KIF6: variants seen among roughly 807,000 people sequenced by gnomAD.
KIF6 encodes the protein kinesin-like protein KIF6.
A neutral mutation model predicts 112.7 loss-of-function variants in KIF6; 106 were observed. That is an observed-to-expected ratio of 0.94 (90% CI 0.80 to 1.11). The LOEUF (loss-of-function observed/expected upper bound fraction) is 1.11, where lower values mean the gene tolerates loss of function less well. Among genes scored for constraint, KIF6 ranks in the 50% least tolerant of loss-of-function variants. KIF6 has a pLI of 0.00. For missense variants in KIF6, 929 were observed against 964.0 expected (o/e 0.96, Z 0.48); for synonymous variants, 339 against 339.9 (o/e 1.00, Z 0.03).
chr6:39,455,022 C>T (rs1335259031), intron 13 of KIF6, among the ~76,000 whole-genome samples: 2 of 150,032 alleles, frequency 1.3e-5, no homozygotes, highest in East Asian at 2.0e-4. Context: ...CCCACCACAG[C>T]TCAAGGAGGC....
chr6:39,354,945 A>AGGTGGG (rs1764526793), intron 19 of KIF6, among the ~76,000 whole-genome samples: 1 of 152,200 alleles, frequency 6.6e-6, no homozygotes, highest in South Asian at 2.1e-4. Flanking sequence ...TGAGAGGCCA[A>AGGTGGG]GGTGGGAGGA....
intron 12 of KIF6, among the ~76,000 whole-genome samples, chr6:39,543,529 T>G (rs1385219177): frequency 3.3e-5 from 5 of 152,234 alleles, no homozygotes; most frequent in African/African-American, 1.2e-4. Flanking sequence ...TTTGGTTTGT[T>G]CTTACCTCTT....
intron 14 of KIF6, among the ~76,000 whole-genome samples, chr6:39,430,373 G>C (rs1771065873): frequency 6.6e-6 from 1 of 152,112 alleles, no homozygotes; most frequent in African/African-American, 2.4e-5. Context: ...CTGTGTGCTA[G>C]GATCCACAGT....
rs1780724493 is a variant in KIF6, at chr6:39,572,925, A to G, written c.1181+5131T>C. Among the ~76,000 whole-genome samples, 3 of 150,946 alleles carry G rather than the reference A, an allele frequency of 2.0e-5. No homozygotes were observed. In the Admixed American group the frequency reaches 2.0e-4, roughly 10 times the overall value. On this transcript the variant is annotated intron_variant, in intron 10 of 22. Transcript: ENST00000287152. Reference sequence around the variant, plus strand: ...CATGCAACAAATATTTACATTAAGCATAGAAATGCTGGGAAATGGCTCAAA... The same window carrying G: ...CATGCAACAAATATTTACATTAAGCGTAGAAATGCTGGGAAATGGCTCAAA...
intron 3 of KIF6, among the ~76,000 whole-genome samples, chr6:39,656,794 A>G (rs1487598593): frequency 1.3e-5 from 2 of 152,072 alleles, no homozygotes; most frequent in African/African-American, 2.4e-5. Flanking sequence ...ACTCAATTCC[A>G]TTGCTACCTG....
chr6:39,658,407 G>A (rs1289015853), intron 3 of KIF6, among the ~76,000 whole-genome samples: 1 of 152,044 alleles, frequency 6.6e-6, no homozygotes, highest in Non-Finnish European at 1.5e-5. Context: ...AGTATAGAAA[G>A]CACCTATTTC....
chr6:39,501,240 A>T (rs1233281406), intron 13 of KIF6, among the ~76,000 whole-genome samples: 1 of 152,142 alleles, frequency 6.6e-6, no homozygotes, highest in Non-Finnish European at 1.5e-5. Flanking sequence ...ACCACAGCAG[A>T]CCTATGAAGA....
At chr6:39,448,560 C>A (rs182312212) in intron 13 of KIF6, among the ~76,000 whole-genome samples, 1 of 152,284 alleles carries the variant, frequency 6.6e-6, no homozygotes, top group East Asian at 1.9e-4. Context: ...AATATGCAGT[C>A]GGTGAAACAG....
intron 5 of KIF6, among the ~76,000 whole-genome samples, chr6:39,614,351 T>C (rs1356917499): frequency 6.6e-6 from 1 of 152,204 alleles, no homozygotes; most frequent in Non-Finnish European, 1.5e-5. Context: ...ACTAAGTAAA[T>C]GTTGGCATCA....
intron 15 of KIF6, among the ~76,000 whole-genome samples, chr6:39,386,755 A>T (rs1241570142): frequency 6.6e-6 from 1 of 152,054 alleles, no homozygotes; most frequent in Non-Finnish European, 1.5e-5. Context: ...TCGTGCATGA[A>T]GGAGGGGTGA....
chr6:39,535,274 G>A (rs575428967), intron 13 of KIF6, among the ~76,000 whole-genome samples: 92 of 152,228 alleles, frequency 6.0e-4, no homozygotes, highest in Non-Finnish European at 1.1e-3. Flanking sequence ...TGGCAAATGG[G>A]ATAAAGAGTC....
intron 13 of KIF6, among the ~76,000 whole-genome samples, chr6:39,526,352 T>C (rs1777725631): frequency 6.6e-6 from 1 of 151,370 alleles, no homozygotes; most frequent in South Asian, 2.1e-4. Flanking sequence ...GATGACTGAA[T>C]GGAATACTTT....
intron 15 of KIF6, among the ~76,000 whole-genome samples, chr6:39,405,887 T>C (rs932928337): frequency 1.3e-5 from 2 of 152,220 alleles, no homozygotes; most frequent in Non-Finnish European, 2.9e-5. Flanking sequence ...TTCAGGTTAT[T>C]TATTTCTTCT....
intron 3 of KIF6, among the ~76,000 whole-genome samples, chr6:39,672,032 C>T (rs956396421): frequency 2.6e-5 from 4 of 152,176 alleles, no homozygotes; most frequent in Non-Finnish European, 5.9e-5. Context: ...CTGTTGCCAA[C>T]CCTGAACTGG....
chr6:39,689,441 G>A (rs1404710415), intron 3 of KIF6, among the ~76,000 whole-genome samples: 2 of 151,912 alleles, frequency 1.3e-5, no homozygotes, highest in Non-Finnish European at 2.9e-5. Context: ...AGGCTGCAAT[G>A]AGCCCTGGTC....
In KIF6 at chr6:39,413,703, C is replaced by A. The variant is rs768678415; in HGVS notation, c.1810+6245G>T. ...TGTCAGACAATGTAGTCAAGCAGAA[C>A]TGAGACAAGGAGGGAGAGGAGAGGA... On this transcript the variant is annotated intron_variant, in intron 15 of 22. Coordinates refer to ENST00000287152, the MANE Select transcript of KIF6 (RefSeq NM_145027.6). Among the ~76,000 whole-genome samples the A allele has an allele frequency of 2.7e-4, 41 of 151,950 alleles. 1 individual carries two copies. The highest frequency in any genetic ancestry group is 8.5e-4 in the Admixed American group (13 of 15,256).
chr6:39,588,592 A>G (rs747925918), intron 7 of KIF6, among the ~76,000 whole-genome samples: 8 of 151,502 alleles, frequency 5.3e-5, no homozygotes, highest in Non-Finnish European at 1.2e-4. Context: ...TCCCTGTGCT[A>G]CTATCATCTT....
At chr6:39,504,670 T>C (rs1455383560) in intron 13 of KIF6, among the ~76,000 whole-genome samples, 1 of 152,184 alleles carries the variant, frequency 6.6e-6, no homozygotes, top group Non-Finnish European at 1.5e-5. Context: ...AGAAAATCAA[T>C]GTCCAAAAAT....
intron 13 of KIF6, among the ~76,000 whole-genome samples, chr6:39,450,133 C>T (rs1409593166): frequency 6.6e-6 from 1 of 152,206 alleles, no homozygotes; most frequent in Non-Finnish European, 1.5e-5. Flanking sequence ...ACTCTCTTTT[C>T]CTGGCAAGAG....
Sources: allele counts gnomAD v4.1 joint callset (sites outside exome capture counted in the v4.1 genomes callset), GRCh38; gene constraint gnomAD v4.1.1; transcripts MANE v1.5; gene names NCBI Gene and HGNC (gene_info 2026-07-23, HGNC 2026-07-21).